The following NCOR2 variants were observed in gnomAD, a reference collection of about 807,000 sequenced individuals.
NCOR2 encodes CTG repeat protein 26.
In NCOR2, 81 loss-of-function variants were observed where a neutral mutation model predicts 262.9. That is an observed-to-expected ratio of 0.31 (90% CI 0.26 to 0.37). NCOR2 has a LOEUF of 0.37. NCOR2 is among the 10% of genes least tolerant of loss of function. The pLI, the probability that NCOR2 is intolerant of heterozygous loss-of-function variation, is 1.00. For synonymous variants in NCOR2, 1,659 were observed against 1,559.3 expected, an observed-to-expected ratio of 1.06 and a Z score of -1.51; for missense variants, 3,385 against 3,621.4, an observed-to-expected ratio of 0.93 and a Z score of 1.68.
Position 124,337,499 on chromosome 12 carries a change from A to G in NCOR2, c.5688-319T>C, listed in dbSNP as rs1457938848. 2.0e-5 allele frequency among the ~76,000 whole-genome samples: 3 copies of G among 152,196 alleles called. No individual in the cohort carries two copies. In the East Asian group the frequency reaches 5.8e-4, roughly 29 times the overall value. On this transcript the variant is annotated intron_variant, in intron 37 of 46. Coordinates refer to ENST00000405201, the Ensembl canonical transcript of NCOR2. Reference sequence around the variant, plus strand: ...TACCATCTAATTCAGAAAACAGACTACGATCACATTAACAGATATCCCAAG... The same window carrying G: ...TACCATCTAATTCAGAAAACAGACTGCGATCACATTAACAGATATCCCAAG...
chr12:124,437,915 A>T lies in NCOR2; in HGVS notation c.882+15T>A. On this transcript the variant is annotated intron_variant, in intron 8 of 46. Transcript: ENST00000405201. ...ATCTCAAGGAAAGCTGATGGGGGCC[A>T]CGGTGTGGACTTACCCATTGTTTCC... The T allele has an allele frequency of 6.2e-7, 1 of 1,609,066 alleles. No homozygotes were observed. The highest frequency in any genetic ancestry group is 1.1e-5 in the South Asian group (1 of 89,996).
At chr12:124,387,408 G>A (rs2040895114) in intron 16 of NCOR2, among the ~76,000 whole-genome samples, 1 of 152,234 alleles carries the variant, frequency 6.6e-6, no homozygotes, top group South Asian at 2.1e-4. Context: ...TGCTGTCATG[G>A]CTGTGACCAT....
chr12:124,487,658 G>A (rs976740802), intron 1 of NCOR2, among the ~76,000 whole-genome samples: 4 of 152,226 alleles, frequency 2.6e-5, no homozygotes, highest in Admixed American at 2.6e-4. Flanking sequence ...TGTCTTGGCC[G>A]TATTTGGCGC....
intron 3 of NCOR2, among the ~76,000 whole-genome samples, chr12:124,475,391 GACT>G (rs1459291377): frequency 6.6e-6 from 1 of 152,184 alleles, no homozygotes; most frequent in Non-Finnish European, 1.5e-5. Flanking sequence ...CCTCCGAGGG[GACT>G]GCTGCTCCAT....
Position 124,457,191 on chromosome 12 carries a change from T to A in NCOR2, c.706-29A>T. On this transcript the variant is annotated intron_variant, in intron 5 of 46. Transcript: ENST00000405201. The surrounding 1 kb of genome is among the most constrained non-coding windows in gnomAD (Gnocchi z 4.0). ...CAGGGTGATGGCGAAGAGGAGGAAT[T>A]TTTTTAAAAAACAAAAAAACACAGA... The A allele has an allele frequency of 6.5e-7, 1 of 1,537,644 alleles. No homozygotes were observed. The highest frequency in any genetic ancestry group is 8.7e-7 in the Non-Finnish European group (1 of 1,152,924).
At position 124,430,768 on chromosome 12, in the gene NCOR2, C is replaced by T. The variant is rs970829281; in HGVS notation, c.902G>A (p.Arg301His). Reference sequence around the variant, plus strand: ...CCAGGCCTCCATGAGCTGGTCATAGCGCTGGCAGAACTTCTGCTCCTGGGA... The same window carrying T: ...CCAGGCCTCCATGAGCTGGTCATAGTGCTGGCAGAACTTCTGCTCCTGGGA... Residue 301 changes from arginine to histidine, a missense_variant, in exon 9 of 47, where the codon CGC (arginine) becomes CAC (histidine). Around this residue, in one of 5 missense-constraint regions of NCOR2, gnomAD observed 515 missense variants for 781.2 expected, o/e 0.66. Transcript: ENST00000405201. 4 of 1,611,676 alleles carry T rather than the reference C, an allele frequency of 2.5e-6. No homozygotes were observed. In the South Asian group the frequency reaches 3.3e-5, roughly 13 times the overall value.
chr12:124,326,365 C>G (rs199762590), exon 46 of NCOR2: 5 of 1,489,538 alleles, frequency 3.4e-6, no homozygotes. Context: ...GCCTTCCCGC[C>G]GCCACCTGCA....
intron 5 of NCOR2, among the ~76,000 whole-genome samples, chr12:124,461,755 G>A (rs900292365): frequency 2.6e-5 from 4 of 152,222 alleles, no homozygotes; most frequent in African/African-American, 7.2e-5. Context: ...GAACACATGC[G>A]TATGCACACA....
At chr12:124,350,949 A>G (rs2037399193) in intron 27 of NCOR2, among the ~76,000 whole-genome samples, 1 of 152,226 alleles carries the variant, frequency 6.6e-6, no homozygotes, top group Non-Finnish European at 1.5e-5. Context: ...GCTTCCCATG[A>G]GTGGACGCTG....
chr12:124,372,512 G>C (rs1185038107), exon 20 of NCOR2: 2 of 1,592,174 alleles, frequency 1.3e-6, no homozygotes, highest in South Asian at 1.1e-5. Flanking sequence ...TCGGCGCCCA[G>C]GGTGGCTGGG....
intron 1 of NCOR2, among the ~76,000 whole-genome samples, chr12:124,508,336 A>G (rs1319814801): frequency 6.6e-6 from 1 of 152,274 alleles, no homozygotes; most frequent in African/African-American, 2.4e-5. Context: ...CAAGAACCCA[A>G]AAGGTCCTAT....
chr12:124,557,823 C>T (rs190865516), intron 1 of NCOR2, among the ~76,000 whole-genome samples: 129 of 152,274 alleles, frequency 8.5e-4, no homozygotes, highest in African/African-American at 2.9e-3. Flanking sequence ...CAGGAGCCAC[C>T]GCCACACAGA....
upstream of NCOR2, among the ~76,000 whole-genome samples, chr12:124,536,046 C>A (rs943781760): frequency 6.6e-6 from 1 of 152,124 alleles, no homozygotes; most frequent in Non-Finnish European, 1.5e-5. Flanking sequence ...GTCTACTATT[C>A]TCATGCAAGA....
intron 1 of NCOR2, among the ~76,000 whole-genome samples, chr12:124,535,261 G>T: frequency 6.6e-6 from 1 of 152,300 alleles, no homozygotes; most frequent in East Asian, 1.9e-4. Flanking sequence ...CCCGGAGCCC[G>T]GGGAAGCCCA....
At chr12:124,435,959 T>G (rs370440979) in intron 8 of NCOR2, among the ~76,000 whole-genome samples, 1 of 152,186 alleles carries the variant, frequency 6.6e-6, no homozygotes, top group Non-Finnish European at 1.5e-5. Flanking sequence ...CTAAATGCCC[T>G]AATGTATGGA....
At chr12:124,456,673 C>T (rs775840252) in intron 6 of NCOR2, among the ~76,000 whole-genome samples, 2 of 152,222 alleles carry the variant, frequency 1.3e-5, no homozygotes, top group Admixed American at 1.3e-4. Flanking sequence ...GAAACTGAAG[C>T]ACAGGGAGGG....
chr12:124,341,902 C>T, exon 34 of NCOR2: 1 of 1,612,888 alleles, frequency 6.2e-7, no homozygotes, highest in Non-Finnish European at 8.5e-7. Flanking sequence ...CTCGCTGGGC[C>T]ATGGCGGTGG....
upstream of NCOR2, among the ~76,000 whole-genome samples, chr12:124,535,832 T>C (rs777950285): frequency 1.3e-5 from 2 of 152,040 alleles, no homozygotes; most frequent in African/African-American, 4.8e-5. Flanking sequence ...ATGCCCAGGT[T>C]CTCAGAGCCG....
At chr12:124,453,751 G>A (rs1183602456) in intron 6 of NCOR2, among the ~76,000 whole-genome samples, 2 of 152,214 alleles carry the variant, frequency 1.3e-5, no homozygotes, top group African/African-American at 4.8e-5. Context: ...CAGAGAGGTC[G>A]GGGCTGCTGG....
Sources: gnomAD v4.1 joint callset for allele counts (sites outside exome capture counted in the v4.1 genomes callset) on GRCh38, gnomAD v4.1.1 for gene constraint, gnomAD v4.1.1 regional missense constraint, Gnocchi (gnomAD v3.1) non-coding constraint, MANE v1.5 for transcripts, NCBI Gene and HGNC (gene_info 2026-07-23, HGNC 2026-07-21) for gene names.